The following PCDHA5 variants were observed in gnomAD, a reference collection of about 807,000 sequenced individuals.
PCDHA5 encodes protocadherin alpha-5.
In PCDHA5, 43 loss-of-function variants were observed where a neutral mutation model predicts 61.6. The ratio of observed to expected loss-of-function variants is 0.70; its 90% confidence interval spans 0.55 to 0.90. The LOEUF is 0.90. Among genes scored for constraint, PCDHA5 ranks in the 40% least tolerant of loss-of-function variants. The pLI is 0.00. For missense variants in PCDHA5, 1,298 were observed against 1,222.7 expected, an observed-to-expected ratio of 1.06 and a Z score of -0.92; for synonymous variants, 627 against 543.9, an observed-to-expected ratio of 1.15 and a Z score of -2.13.
rs1767740634 is a variant in PCDHA5, at chr5:140,823,512, G to C, written c.1737G>C (p.Leu579=). 5.0e-6 allele frequency: 8 copies of C among 1,613,458 alleles called. No individual in the cohort carries two copies. The African/African-American group carries it at 6.7e-5, about 13-fold the overall frequency. ...VGGTGGAVSE[L]VPRSVGAGHV... ...GCACCGGCGGCGCAGTGAGCGAGCTGGTGCCGAGGTCAGTGGGTGCGGGCC... is the reference window on the plus strand; with the variant it reads ...GCACCGGCGGCGCAGTGAGCGAGCTCGTGCCGAGGTCAGTGGGTGCGGGCC... The change falls in exon 1 of 4, where the codon CTG becomes CTC. Residue 579 remains leucine, a synonymous_variant. Transcript: ENST00000529859.
In PCDHA5 at chr5:140,969,495, C is replaced by T. The variant is rs1205771172; in HGVS notation, c.2353-9454C>T. On this transcript the variant is annotated intron_variant, in intron 1 of 3. Transcript: ENST00000529859. The stretch of plus-strand genomic sequence containing the variant: ...TTGATCATAATCTGCTATTTCCTCT[C>T]TAGAAAAATAGCACTAAAGAATTGT... 10 of 1,437,770 alleles carry T rather than the reference C, an allele frequency of 7.0e-6. No homozygotes were observed. The African/African-American group carries it at 7.2e-5, about 10-fold the overall frequency. The allele number at this position is 1,437,770 out of a possible 1,614,324, so 89.1% of individuals were successfully genotyped here. A position where few individuals can be genotyped will look rare whatever the true frequency, so the allele number is the denominator to read the frequency against.
At chr5:140,929,217 C>T (rs1183459158) in intron 1 of PCDHA5, 1 of 1,614,016 alleles carries the variant, frequency 6.2e-7, no homozygotes, top group Non-Finnish European at 8.5e-7. Flanking sequence ...GTGGGGAGTA[C>T]AATGCTGCCG....
At chr5:140,934,547 C>A (rs2089905916) in intron 1 of PCDHA5, among the ~76,000 whole-genome samples, 1 of 152,124 alleles carries the variant, frequency 6.6e-6, no homozygotes, top group African/African-American at 2.4e-5. Flanking sequence ...CTAATTCTAT[C>A]ATTTCTTCTT....
At chr5:140,861,531 T>G (rs1219248238) in intron 1 of PCDHA5, 2 of 447,948 alleles carry the variant, frequency 4.5e-6, no homozygotes, top group Non-Finnish European at 9.2e-6. Flanking sequence ...GATCTCGGAG[T>G]GCAGCATCCA....
chr5:140,822,074 A>G lies in PCDHA5; in HGVS notation c.299A>G (p.Glu100Gly), dbSNP rs1554128431. Residue 100 changes from glutamate to glycine, a missense_variant, in exon 1 of 4, where the codon GAG (glutamate) becomes GGG (glycine). Coordinates refer to ENST00000529859, the MANE Select transcript of PCDHA5 (RefSeq NM_018908.3). Reference sequence around the variant, plus strand: ...GAGGAGCTGTGCCGGCGGAGGGCGGAGTGCAGCATCCACCTGGAGGTGATC... The same window carrying G: ...GAGGAGCTGTGCCGGCGGAGGGCGGGGTGCAGCATCCACCTGGAGGTGATC... Reference protein sequence around the residue: ...DREELCRRRAECSIHLEVIVD... With the variant: ...DREELCRRRAGCSIHLEVIVD... 1.9e-6 allele frequency: 3 copies of G among 1,614,224 alleles called. No homozygotes were observed. Among genetic ancestry groups the G allele is most frequent in the Non-Finnish European group, 2.5e-6 (3 of 1,180,036 alleles).
intron 1 of PCDHA5, chr5:140,930,529 C>T (rs1175564392): frequency 6.6e-6 from 1 of 152,500 alleles, no homozygotes; most frequent in African/African-American, 2.4e-5. Flanking sequence ...GGCCCTCAAA[C>T]TTCTTGAGTG....
At chr5:140,897,610 C>T (rs1439314706) in intron 1 of PCDHA5, among the ~76,000 whole-genome samples, 2 of 152,078 alleles carry the variant, frequency 1.3e-5, no homozygotes, top group East Asian at 1.9e-4. Context: ...TGGGTTGGTT[C>T]CAAGTCTTTA....
chr5:140,891,044 CA>C (rs1406159323), intron 1 of PCDHA5, among the ~76,000 whole-genome samples: 9 of 152,030 alleles, frequency 5.9e-5, no homozygotes, highest in African/African-American at 2.2e-4. Flanking sequence ...GTGTGACCCC[CA>C]CAGCACATAG....
At chr5:140,829,264 T>C (rs2150164860) in intron 1 of PCDHA5, 2 of 1,614,244 alleles carry the variant, frequency 1.2e-6, no homozygotes, top group East Asian at 2.2e-5. Flanking sequence ...CGCTGACGCC[T>C]CACGTCCCTT....
chr5:140,876,204 GC>G, intron 1 of PCDHA5: 1 of 1,613,934 alleles, frequency 6.2e-7, no homozygotes. Context: ...CGTTTGATAA[GC>G]CCAGCTATAA....
chr5:140,948,385 T>A (rs909867343), intron 1 of PCDHA5, among the ~76,000 whole-genome samples: 4 of 151,622 alleles, frequency 2.6e-5, no homozygotes, highest in Admixed American at 2.6e-4. Flanking sequence ...TTCCTCTATT[T>A]TCTGAAAGGT....
intron 1 of PCDHA5, among the ~76,000 whole-genome samples, chr5:140,976,335 G>T (rs1554237529): frequency 6.6e-6 from 1 of 152,140 alleles, no homozygotes; most frequent in East Asian, 1.9e-4. Flanking sequence ...TGGATTGCCT[G>T]AGGTCAGGTG....
At chr5:140,863,693 C>G (rs2048122696) in intron 1 of PCDHA5, 2 of 301,444 alleles carry the variant, frequency 6.6e-6, no homozygotes, top group African/African-American at 2.2e-5. Flanking sequence ...TTTTGAGATG[C>G]TTTATTTAAA....
At chr5:140,836,431 C>G (rs2150260872) in intron 1 of PCDHA5, 14 of 1,613,820 alleles carry the variant, frequency 8.7e-6, no homozygotes, top group Admixed American at 1.7e-5. Flanking sequence ...TCGCGGGCAT[C>G]GTTGGGCATT....
intron 1 of PCDHA5, chr5:140,860,566 A>G (rs1385735814): frequency 6.6e-6 from 1 of 152,224 alleles, no homozygotes; most frequent in Non-Finnish European, 1.5e-5. Context: ...GGTACTGATC[A>G]TACACAAGAA....
chr5:140,941,214 C>CTTTCTTTCTTTCTTT (rs1554214039), intron 1 of PCDHA5, among the ~76,000 whole-genome samples: 5,375 of 122,186 alleles, frequency 0.044, 196 homozygotes, highest in South Asian at 0.066. Flanking sequence ...TTTCTTTCTT[C>CTTTCTTTCTTTCTTT]CTTTCTTTCT....
Position 140,823,885 on chromosome 5 carries a change from T to C in PCDHA5, c.2110T>C (p.Cys704Arg), listed in dbSNP as rs2150130069. 6 of 1,613,980 alleles carry C rather than the reference T, an allele frequency of 3.7e-6. No individual in the cohort carries two copies. In the Admixed American group the frequency reaches 8.3e-5, roughly 22 times the overall value. The stretch of plus-strand genomic sequence containing the variant: ...CAACGTGTACCTGATCATCGCCATC[T>C]GTGCGGTGTCCAGCCTGCTGGTGCT... The part of the protein sequence containing the change: ...DVNVYLIIAI[C>R]AVSSLLVLTL... Residue 704 changes from cysteine (C) to arginine (R), a missense_variant, in exon 1 of 4, where the codon TGT becomes CGT. Physicochemically the swap from Cys to Arg is radical, Grantham distance 180. Transcript: ENST00000529859.
chr5:140,846,564 C>T (rs2150392370), intron 1 of PCDHA5, among the ~76,000 whole-genome samples: 5 of 147,896 alleles, frequency 3.4e-5, no homozygotes, highest in African/African-American at 5.0e-5. Context: ...TTAGTAGAGT[C>T]GGGGTTTCAC....
At chr5:140,838,074 TATAGTGTG>T (rs1468306192) in intron 1 of PCDHA5, among the ~76,000 whole-genome samples, 3 of 120,528 alleles carry the variant, frequency 2.5e-5, no homozygotes, top group Non-Finnish European at 3.4e-5. Context: ...GTTATATATA[TATAGTGTG>T]TGTGTGTGTG....
Sources: gnomAD v4.1 joint callset for allele counts (sites outside exome capture counted in the v4.1 genomes callset) on GRCh38, gnomAD v4.1.1 for gene constraint, MANE v1.5 for transcripts, NCBI Gene and HGNC (gene_info 2026-07-23, HGNC 2026-07-21) for gene names.